The following KLHDC10 variants were observed in gnomAD, a reference collection of about 807,000 sequenced individuals.
KLHDC10 encodes the protein kelch domain containing 10.
KLHDC10 carries 24 observed loss-of-function variants against 56.1 expected under a neutral mutation model. That is an observed-to-expected ratio of 0.43 (90% CI 0.31 to 0.60). KLHDC10 has a LOEUF of 0.60. KLHDC10 is among the 20% of genes least tolerant of loss of function. KLHDC10 has a pLI of 0.11. For missense variants in KLHDC10, 349 were observed against 567.0 expected (o/e 0.62, Z 3.91); for synonymous variants, 188 against 207.1 (o/e 0.91, Z 0.79).
chr7:130,111,376 G>A (rs565082844), intron 2 of KLHDC10, among the ~76,000 whole-genome samples: 22 of 152,242 alleles, frequency 1.4e-4, no homozygotes, highest in African/African-American at 5.3e-4. Flanking sequence ...GTAAACAAAA[G>A]ACAAGGAGCA....
intron 1 of KLHDC10, among the ~76,000 whole-genome samples, chr7:130,081,370 G>C (rs575786861): frequency 1.3e-5 from 2 of 151,882 alleles, no homozygotes; most frequent in African/African-American, 4.8e-5. Context: ...TCAGGCTGCA[G>C]TGCAGTGGCA....
intron 1 of KLHDC10, among the ~76,000 whole-genome samples, chr7:130,089,340 G>A (rs1212081793): frequency 6.6e-6 from 1 of 152,072 alleles, no homozygotes; most frequent in Non-Finnish European, 1.5e-5. Context: ...CATGCCTGTT[G>A]TCTCCCTATT....
chr7:130,090,188 G>T (rs1398004080), intron 1 of KLHDC10, among the ~76,000 whole-genome samples: 1 of 152,060 alleles, frequency 6.6e-6, no homozygotes, highest in Non-Finnish European at 1.5e-5. Context: ...TATCATTTTT[G>T]AATGTAAGCT....
chr7:130,071,524 C>T (rs577464911), intron 1 of KLHDC10, among the ~76,000 whole-genome samples: 2 of 152,304 alleles, frequency 1.3e-5, no homozygotes, highest in Admixed American at 6.5e-5. Flanking sequence ...TTTTGGTCTA[C>T]AGTGCCCTAG....
At chr7:130,104,703 G>A (rs1795985054) in intron 2 of KLHDC10, among the ~76,000 whole-genome samples, 1 of 152,200 alleles carries the variant, frequency 6.6e-6, no homozygotes, top group South Asian at 2.1e-4. Flanking sequence ...ATGGCAAGAG[G>A]CAGAGTGGGA....
chr7:130,122,421 A>G (rs1365301689), intron 5 of KLHDC10, among the ~76,000 whole-genome samples: 1 of 152,186 alleles, frequency 6.6e-6, no homozygotes, highest in East Asian at 1.9e-4. Flanking sequence ...ATTTTTTTCC[A>G]TGTCATTTCC....
chr7:130,081,890 T>G (rs1329834029), intron 1 of KLHDC10, among the ~76,000 whole-genome samples: 2 of 152,238 alleles, frequency 1.3e-5, no homozygotes, highest in African/African-American at 2.4e-5. Flanking sequence ...TTTCTTTCTA[T>G]TGTCTGCCTT....
intron 2 of KLHDC10, among the ~76,000 whole-genome samples, chr7:130,114,684 A>G (rs1450784004): frequency 6.6e-6 from 1 of 152,158 alleles, no homozygotes; most frequent in Non-Finnish European, 1.5e-5. Flanking sequence ...ATGTATTTAC[A>G]TAGTTAAGGT....
Position 130,074,485 on chromosome 7 carries a change from A to G in KLHDC10, c.166+3676A>G, listed in dbSNP as rs112487697. 6.4e-3 allele frequency among the ~76,000 whole-genome samples: 976 copies of G among 152,242 alleles called. 4 individuals are homozygous for G. Among genetic ancestry groups the G allele is most frequent in the Middle Eastern group, 0.024 (7 of 294 alleles). On this transcript the variant is annotated intron_variant, in intron 1 of 9. Coordinates refer to ENST00000335420, the MANE Select transcript of KLHDC10 (RefSeq NM_014997.4). ...GTATATATATGCCATATACATATAC[A>G]TATATTTTTAAAATTCTAAATTAAC...
chr7:130,107,848 A>AG (rs1563102681), intron 2 of KLHDC10, among the ~76,000 whole-genome samples: 1 of 129,604 alleles, frequency 7.7e-6, no homozygotes, highest in Non-Finnish European at 1.7e-5. Context: ...CGTCTCAAAA[A>AG]AAAAAAAAAA....
rs1796309889 is a variant in KLHDC10, at chr7:130,125,905, T to C, written c.905T>C (p.Ile302Thr). ...YNLETNAWEE[I>T]ATKPHEKIGF... ...CTTGAAACGAATGCCTGGGAGGAAATTGCAACAAAACCCCATGAAAAAATA... is the reference window on the plus strand; with the variant it reads ...CTTGAAACGAATGCCTGGGAGGAAACTGCAACAAAACCCCATGAAAAAATA... The change falls in exon 7 of 10, where the codon ATT (isoleucine) becomes ACT (threonine). Residue 302 changes from isoleucine to threonine, a missense_variant. Physicochemically the swap from Ile to Thr is moderately conservative, Grantham distance 89 (BLOSUM62 -1). Around this residue, in one of 2 missense-constraint regions of KLHDC10, gnomAD observed 245 missense variants for 470.1 expected, o/e 0.52. Coordinates refer to ENST00000335420, the MANE Select transcript of KLHDC10 (RefSeq NM_014997.4). The C allele has an allele frequency of 1.2e-6, 2 of 1,602,934 alleles. No homozygotes were observed. The highest frequency in any genetic ancestry group is 1.7e-6 in the Non-Finnish European group (2 of 1,177,234).
intron 6 of KLHDC10, among the ~76,000 whole-genome samples, chr7:130,124,826 T>TA (rs1458387653): frequency 6.6e-6 from 1 of 152,244 alleles, no homozygotes; most frequent in Non-Finnish European, 1.5e-5. Context: ...ATGGAGCAAC[T>TA]AATTAGAATT....
At chr7:130,071,458 T>A (rs986587407) in intron 1 of KLHDC10, among the ~76,000 whole-genome samples, 2 of 152,244 alleles carry the variant, frequency 1.3e-5, no homozygotes, top group African/African-American at 4.8e-5. Context: ...ATGCTGTGTT[T>A]ACAATATAAA....
Position 130,120,728 on chromosome 7 carries a change from C to G in KLHDC10, c.476-21C>G. 6.2e-7 allele frequency: 1 copy of G among 1,612,806 alleles called. No individual in the cohort carries two copies. Among genetic ancestry groups the G allele is most frequent in the South Asian group, 1.1e-5 (1 of 90,852 alleles). ...TGCAGGTAGCCATTTGTGAACAGAA[C>G]TTGTGCTTCTCCTTCCTCAGTTGTG... On this transcript the variant is annotated intron_variant, in intron 3 of 9. Transcript: ENST00000335420. The surrounding 1 kb of genome is among the most constrained non-coding windows in gnomAD (Gnocchi z 5.1).
At chr7:130,088,791 C>G (rs186685578) in intron 1 of KLHDC10, among the ~76,000 whole-genome samples, 1 of 151,008 alleles carries the variant, frequency 6.6e-6, no homozygotes, top group Non-Finnish European at 1.5e-5. Flanking sequence ...TACAGGGACC[C>G]GCCACCACAC....
chr7:130,112,480 A>G (rs1796115075), intron 2 of KLHDC10, among the ~76,000 whole-genome samples: 1 of 152,194 alleles, frequency 6.6e-6, no homozygotes, highest in South Asian at 2.1e-4. Context: ...AACGAATTCT[A>G]TGGTAGATTT....
intron 1 of KLHDC10, among the ~76,000 whole-genome samples, chr7:130,096,282 A>G (rs541583714): frequency 5.0e-4 from 76 of 152,246 alleles, no homozygotes; most frequent in African/African-American, 1.7e-3. Context: ...TTTTTATTCT[A>G]TTTTATAAGA....
intron 7 of KLHDC10, among the ~76,000 whole-genome samples, chr7:130,126,782 G>T (rs1054221444): frequency 3.3e-5 from 5 of 151,992 alleles, no homozygotes; most frequent in Non-Finnish European, 7.4e-5. Context: ...GAATTCTTTG[G>T]CAGAAGTTGG....
intron 2 of KLHDC10, among the ~76,000 whole-genome samples, chr7:130,108,236 G>T (rs1796043546): frequency 6.7e-6 from 1 of 149,932 alleles, no homozygotes. Context: ...CAAAAAAAAA[G>T]AAAAAAGAAA....
Sources: gnomAD v4.1 joint callset for allele counts (sites outside exome capture counted in the v4.1 genomes callset) on GRCh38, gnomAD v4.1.1 for gene constraint, gnomAD v4.1.1 regional missense constraint, Gnocchi (gnomAD v3.1) non-coding constraint, MANE v1.5 for transcripts, NCBI Gene and HGNC (gene_info 2026-07-23, HGNC 2026-07-21) for gene names.